Variants in DNAJC1 observed in about 807,000 individuals in gnomAD.
The protein encoded by DNAJC1 is DnaJ heat shock protein family (Hsp40) member C1, also known as dnaJ homolog subfamily C member 1.
A neutral mutation model predicts 76.6 loss-of-function variants in DNAJC1; 58 were observed. That is an observed-to-expected ratio of 0.76 (90% CI 0.61 to 0.94). DNAJC1 has a LOEUF of 0.94. Among genes scored for constraint, DNAJC1 ranks in the 40% least tolerant of loss-of-function variants. The pLI is 0.00. For missense variants in DNAJC1, 689 were observed against 677.3 expected (o/e 1.02, Z -0.19); for synonymous variants, 258 against 267.9 (o/e 0.96, Z 0.36).
chr10:21,877,652 T>G (rs1836207903), intron 8 of DNAJC1, among the ~76,000 whole-genome samples: 1 of 152,176 alleles, frequency 6.6e-6, no homozygotes, highest in South Asian at 2.1e-4. Flanking sequence ...GGATAAAATA[T>G]AAAAGACTTG....
intron 9 of DNAJC1, among the ~76,000 whole-genome samples, chr10:21,799,104 A>G (rs1834782084): frequency 6.6e-6 from 1 of 152,250 alleles, no homozygotes; most frequent in South Asian, 2.1e-4. Context: ...TAAAACATAT[A>G]AAATGTTTAA....
chr10:21,981,053 T>C (rs951098270), intron 1 of DNAJC1, among the ~76,000 whole-genome samples: 4 of 152,180 alleles, frequency 2.6e-5, no homozygotes, highest in Non-Finnish European at 5.9e-5. Context: ...TCTGTTTCTA[T>C]GTTTATTAAT....
rs1179588600 is a variant in DNAJC1, at chr10:21,813,150, G to GTCTC, written c.979-7055_979-7052dup. 4.5e-5 allele frequency among the ~76,000 whole-genome samples: 3 copies of GTCTC among 66,132 alleles called. No individual in the cohort carries two copies. In the Admixed American group the frequency reaches 5.4e-4, roughly 12 times the overall value. 43.4% of individuals were successfully genotyped at this position (66,132 alleles called of 152,430 possible). A position where few individuals can be genotyped will look rare whatever the true frequency, so the allele number is the denominator to read the frequency against. On this transcript the variant is annotated intron_variant, in intron 8 of 11. Coordinates refer to ENST00000376980, the MANE Select transcript of DNAJC1 (RefSeq NM_022365.4). The stretch of plus-strand genomic sequence containing the variant: ...TGCCTTGCTCTTTCTTGGGTTACTT[G>GTCTC]TCTCTCTCTCTCTCTCTCTCTCTCC...
intron 7 of DNAJC1, among the ~76,000 whole-genome samples, chr10:21,882,754 T>C (rs555403075): frequency 2.8e-4 from 42 of 152,214 alleles, no homozygotes; most frequent in Non-Finnish European, 4.9e-4. Context: ...ATTGTAACCC[T>C]AACTTTACCA....
intron 9 of DNAJC1, among the ~76,000 whole-genome samples, chr10:21,801,371 AG>A (rs1438197351): frequency 6.6e-6 from 1 of 152,202 alleles, no homozygotes; most frequent in Non-Finnish European, 1.5e-5. Flanking sequence ...GCAGCCAACA[AG>A]GATATGAAAA....
At chr10:21,980,846 T>C (rs1002277032) in intron 1 of DNAJC1, among the ~76,000 whole-genome samples, 17 of 152,160 alleles carry the variant, frequency 1.1e-4, no homozygotes, top group African/African-American at 4.1e-4. Flanking sequence ...GATCACATAT[T>C]TCCTTAGCCT....
intron 8 of DNAJC1, among the ~76,000 whole-genome samples, chr10:21,825,177 C>A (rs1183262179): frequency 1.3e-5 from 2 of 152,230 alleles, no homozygotes; most frequent in Admixed American, 6.5e-5. Context: ...CTAGAACCTT[C>A]TCATCATCCC....
intron 9 of DNAJC1, among the ~76,000 whole-genome samples, chr10:21,766,571 T>C (rs182703992): frequency 1.3e-5 from 2 of 152,306 alleles, no homozygotes; most frequent in Admixed American, 1.3e-4. Flanking sequence ...TCCTTCTAGT[T>C]CAATGACAGT....
chr10:21,927,175 T>C (rs960343328), intron 3 of DNAJC1, among the ~76,000 whole-genome samples: 1 of 152,214 alleles, frequency 6.6e-6, no homozygotes, highest in Non-Finnish European at 1.5e-5. Flanking sequence ...ACCAGAGGAA[T>C]GTCTGCTATG....
intron 1 of DNAJC1, among the ~76,000 whole-genome samples, chr10:21,935,626 A>G (rs1837299682): frequency 6.6e-6 from 1 of 152,078 alleles, no homozygotes; most frequent in Admixed American, 6.6e-5. Flanking sequence ...CTATATATCT[A>G]AGAATCTCAA....
At chr10:21,818,522 G>A (rs60648582) in intron 8 of DNAJC1, among the ~76,000 whole-genome samples, 284 of 152,088 alleles carry the variant, frequency 1.9e-3, no homozygotes, top group African/African-American at 6.4e-3. Flanking sequence ...CACCCTTTTC[G>A]TATGCTCCCT....
chr10:21,858,925 T>C (rs1334288000), intron 8 of DNAJC1, among the ~76,000 whole-genome samples: 1 of 152,232 alleles, frequency 6.6e-6, no homozygotes, highest in Non-Finnish European at 1.5e-5. Flanking sequence ...CAAAATATTG[T>C]TTGATATCTG....
intron 1 of DNAJC1, among the ~76,000 whole-genome samples, chr10:21,945,732 G>A (rs1385664502): frequency 1.3e-5 from 2 of 152,178 alleles, no homozygotes; most frequent in African/African-American, 4.8e-5. Flanking sequence ...GGTACAAGTT[G>A]ATAGTAAGAG....
chr10:21,920,906 G>A lies in DNAJC1; in HGVS notation c.429C>T (p.Tyr143=). ...LPDWRQPVFY[Y]RRVRKMSNAE... ...CATTGCTCATTTTTCTCACCCGCCT[G>A]TAGTAGAATACAGGCTGTCGCCAAT... The change falls in exon 4 of 12, where the codon TAC becomes TAT. Residue 143 remains tyrosine (Y), a synonymous_variant. Transcript: ENST00000376980. The A allele has an allele frequency of 6.2e-7, 1 of 1,612,896 alleles. No homozygotes were observed. Among genetic ancestry groups the A allele is most frequent in the Non-Finnish European group, 8.5e-7 (1 of 1,179,184 alleles).
chr10:21,856,091 T>C (rs1480943027), intron 8 of DNAJC1, among the ~76,000 whole-genome samples: 2 of 152,174 alleles, frequency 1.3e-5, no homozygotes, highest in Non-Finnish European at 1.5e-5. Flanking sequence ...GAATTAGACT[T>C]AGAGTGGGAA....
intron 8 of DNAJC1, among the ~76,000 whole-genome samples, chr10:21,829,747 AT>A (rs1246728691): frequency 6.6e-6 from 1 of 152,222 alleles, no homozygotes; most frequent in Non-Finnish European, 1.5e-5. Context: ...ATTTGACAAT[AT>A]TTGTTATTTA....
At chr10:21,971,241 T>G (rs1326622992) in intron 1 of DNAJC1, among the ~76,000 whole-genome samples, 1 of 151,866 alleles carries the variant, frequency 6.6e-6, no homozygotes, top group Non-Finnish European at 1.5e-5. Context: ...TGCTAGTGAA[T>G]AGTTCCCTTT....
intron 8 of DNAJC1, among the ~76,000 whole-genome samples, chr10:21,816,859 TAA>T (rs1290952806): frequency 4.3e-5 from 5 of 116,228 alleles, no homozygotes; most frequent in East Asian, 2.9e-4. Flanking sequence ...CTCTGTCTCT[TAA>T]AAAAAAAAAA....
At chr10:21,818,521 C>A (rs1458591525) in intron 8 of DNAJC1, among the ~76,000 whole-genome samples, 1 of 152,184 alleles carries the variant, frequency 6.6e-6, no homozygotes, top group South Asian at 2.1e-4. Context: ...ACACCCTTTT[C>A]GTATGCTCCC....
Sources: allele counts gnomAD v4.1 joint callset (sites outside exome capture counted in the v4.1 genomes callset), GRCh38; gene constraint gnomAD v4.1.1; transcripts MANE v1.5; gene names NCBI Gene and HGNC (gene_info 2026-07-23, HGNC 2026-07-21).